NDRG2: variants seen among roughly 807,000 people sequenced by gnomAD.
The protein encoded by NDRG2 is protein NDRG2.
In NDRG2, 34 loss-of-function variants were observed where a neutral mutation model predicts 58.2. The observed-to-expected ratio is 0.58, with a 90% CI of 0.44 to 0.78. The LOEUF is 0.78. NDRG2 is among the 30% of genes least tolerant of loss of function. The probability of loss-of-function intolerance (pLI) is 0.00; values close to 1 mark genes in which losing one functional copy is unlikely to be tolerated. For missense variants in NDRG2, 434 were observed against 471.2 expected (o/e 0.92, Z 0.73); for synonymous variants, 187 against 175.9 (o/e 1.06, Z -0.50).
At chr14:21,043,399 C>T (rs768906068) in intron 1 of NDRG2, 2 of 1,612,394 alleles carry the variant, frequency 1.2e-6, no homozygotes, top group South Asian at 1.1e-5. Context: ...GCCTGTAAGC[C>T]TCCCCAGAAA....
intron 1 of NDRG2, among the ~76,000 whole-genome samples, chr14:21,049,642 G>A (rs1885375857): frequency 6.6e-6 from 1 of 151,802 alleles, no homozygotes; most frequent in African/African-American, 2.4e-5. Context: ...ATAACCCTGA[G>A]GACTTAAACA....
intron 1 of NDRG2, among the ~76,000 whole-genome samples, chr14:21,051,278 G>T (rs999691136): frequency 6.6e-6 from 1 of 152,204 alleles, no homozygotes; most frequent in Admixed American, 6.5e-5. Flanking sequence ...TCCTTTTCAT[G>T]CTGAAAAATG....
chr14:21,067,530 C>G (rs1317020600), intron 1 of NDRG2, among the ~76,000 whole-genome samples: 4 of 152,144 alleles, frequency 2.6e-5, no homozygotes, highest in Non-Finnish European at 5.9e-5. Flanking sequence ...TACTGTGTAG[C>G]TTAGAGAGAG....
chr14:21,021,210 C>T (rs1197133129), intron 6 of NDRG2: 12 of 419,884 alleles, frequency 2.9e-5, no homozygotes, highest in South Asian at 1.6e-4. Flanking sequence ...TCTAGAGGAA[C>T]GGGAAGAATG....
chr14:21,026,528 C>A (rs1883654489), upstream of NDRG2, among the ~76,000 whole-genome samples: 1 of 151,250 alleles, frequency 6.6e-6, no homozygotes, highest in South Asian at 2.1e-4. Flanking sequence ...CCTCACCACC[C>A]GCAATACCCC....
chr14:21,069,891 C>CTGGG (rs2139184105), intron 1 of NDRG2, among the ~76,000 whole-genome samples: 1 of 152,336 alleles, frequency 6.6e-6, no homozygotes, highest in South Asian at 2.1e-4. Flanking sequence ...CAGGAAGACC[C>CTGGG]CAGTTCTGGG....
intron 1 of NDRG2, among the ~76,000 whole-genome samples, chr14:21,068,394 C>G (rs1335074263): frequency 1.3e-5 from 2 of 151,958 alleles, no homozygotes; most frequent in Non-Finnish European, 2.9e-5. Context: ...TATTCCACTA[C>G]CTAAGAGTAG....
At chr14:21,041,507 C>G (rs1020320328) in intron 1 of NDRG2, among the ~76,000 whole-genome samples, 1 of 152,104 alleles carries the variant, frequency 6.6e-6, no homozygotes, top group Non-Finnish European at 1.5e-5. Context: ...CTTGGTGTCT[C>G]GGTTCTCCTG....
chr14:21,018,925 CTG>C, intron 11 of NDRG2, 111 bp from the exon 12 acceptor site: 1 of 1,380,230 alleles, frequency 7.2e-7, no homozygotes, highest in Non-Finnish European at 1.0e-6. Context: ...AAAGACACTT[CTG>C]TGTCTCCCTG....
At chr14:21,050,497 A>G (rs141803643) in intron 1 of NDRG2, among the ~76,000 whole-genome samples, 32 of 152,340 alleles carry the variant, frequency 2.1e-4, no homozygotes, top group African/African-American at 7.0e-4. Flanking sequence ...TGGCATATCC[A>G]GAACAGGATC....
chr14:21,058,927 T>TACAA (rs10622766), intron 1 of NDRG2, among the ~76,000 whole-genome samples: 1 of 151,662 alleles, frequency 6.6e-6, no homozygotes, highest in Admixed American at 6.6e-5. Flanking sequence ...GAAAAGGCCC[T>TACAA]GAAACACTTA....
intron 1 of NDRG2, among the ~76,000 whole-genome samples, chr14:21,057,204 G>A (rs1046251735): frequency 2.0e-5 from 3 of 152,168 alleles, no homozygotes; most frequent in African/African-American, 4.8e-5. Flanking sequence ...GGAGGCTGAG[G>A]TGGGTGGATC....
At position 21,061,008 on chromosome 14, in the gene NDRG2, A is replaced by G. The variant is rs796604546; in HGVS notation, c.24+9820T>C. Among the ~76,000 whole-genome samples the G allele has an allele frequency of 3.9e-5, 6 of 152,346 alleles. 1 individual carries two copies. The highest frequency in any genetic ancestry group is 1.4e-4 in the African/African-American group (6 of 41,574). On this transcript the variant is annotated intron_variant, in intron 1 of 14. Transcript: ENST00000403829. The stretch of plus-strand genomic sequence containing the variant: ...CCGTGATTTGGAGCTAGGCAAATAT[A>G]CCTAGGTTGGTACAACCGCAGATTC...
intron 1 of NDRG2, among the ~76,000 whole-genome samples, chr14:21,066,794 G>T (rs1004959672): frequency 1.7e-4 from 26 of 152,192 alleles, no homozygotes; most frequent in African/African-American, 4.8e-4. Flanking sequence ...GAGAAGACAA[G>T]TTGTTAATTT....
upstream of NDRG2, chr14:21,029,142 G>A (rs1883891790): frequency 6.6e-6 from 1 of 152,208 alleles, no homozygotes; most frequent in Admixed American, 6.5e-5. Context: ...AACACTGGAA[G>A]CTATTTAATG....
chr14:21,037,560 C>T (rs1394664457), intron 1 of NDRG2, among the ~76,000 whole-genome samples: 1 of 152,206 alleles, frequency 6.6e-6, no homozygotes, highest in Non-Finnish European at 1.5e-5. Context: ...TATTGCTGAA[C>T]ATCCCACATT....
chr14:21,032,013 C>A, intron 1 of NDRG2: 2 of 1,614,172 alleles, frequency 1.2e-6, no homozygotes, highest in Non-Finnish European at 1.7e-6. Context: ...GAAGAGATGA[C>A]TGACAACACA....
intron 1 of NDRG2, chr14:21,042,958 C>G: frequency 1.9e-6 from 3 of 1,582,394 alleles, no homozygotes; most frequent in Non-Finnish European, 2.6e-6. Flanking sequence ...CCCAGCGACC[C>G]CTGCCCTCCA....
rs112878437 is a variant in NDRG2, at chr14:21,070,732, C to A, written c.24+96G>T. ...TTCCTTTCCTGGAGCTTCCCTCCCCCTCCTGGTCCGAGCTCCTTACCCGCG... is the reference window on the plus strand; with the variant it reads ...TTCCTTTCCTGGAGCTTCCCTCCCCATCCTGGTCCGAGCTCCTTACCCGCG... On this transcript the variant is annotated intron_variant, in intron 1 of 14. Coordinates refer to the NDRG2 transcript ENST00000403829. The surrounding 1 kb of genome is among the most constrained non-coding windows in gnomAD (Gnocchi z 4.7). 4 of 1,373,294 alleles carry A rather than the reference C, an allele frequency of 2.9e-6. No individual in the cohort carries two copies. The highest frequency in any genetic ancestry group is 1.4e-5 in the African/African-American group (1 of 69,724). 85.1% of individuals were successfully genotyped at this position (1,373,294 alleles called of 1,614,324 possible).
Sources: allele counts gnomAD v4.1 joint callset (sites outside exome capture counted in the v4.1 genomes callset), GRCh38; gene constraint gnomAD v4.1.1; non-coding constraint Gnocchi (gnomAD v3.1); transcripts MANE v1.5; gene names NCBI Gene and HGNC (gene_info 2026-07-23, HGNC 2026-07-21).